The following MBOAT1 variants were observed in gnomAD, a reference collection of about 807,000 sequenced individuals.
MBOAT1 encodes membrane bound glycerophospholipid O-acyltransferase 1.
A neutral mutation model predicts 64.4 loss-of-function variants in MBOAT1; 67 were observed. The ratio of observed to expected loss-of-function variants is 1.04; its 90% CI spans 0.85 to 1.27. The LOEUF is 1.27. Ranked by LOEUF, MBOAT1 falls within the 50% of genes most tolerant of loss-of-function variation. MBOAT1 has a pLI of 0.00. For synonymous variants in MBOAT1, 229 were observed against 218.9 expected, an observed-to-expected ratio of 1.05 and a Z score of -0.41; for missense variants, 563 against 604.6, an observed-to-expected ratio of 0.93 and a Z score of 0.72.
intron 6 of MBOAT1, 135 bp downstream of exon 6, chr6:20,128,564 A>T (rs1340522786): frequency 1.6e-6 from 1 of 625,828 alleles, no homozygotes; most frequent in Non-Finnish European, 2.6e-6. Context: ...GCACATGTCC[A>T]TCAATAGCAG....
chr6:20,210,304 T>C (rs1398292612), intron 1 of MBOAT1, among the ~76,000 whole-genome samples: 1 of 152,152 alleles, frequency 6.6e-6, no homozygotes, highest in Admixed American at 6.6e-5. Flanking sequence ...CATCTAAGCC[T>C]TTAAAAAGCC....
At chr6:20,171,405 T>G (rs78352529) in intron 1 of MBOAT1, among the ~76,000 whole-genome samples, 1 of 131,538 alleles carries the variant, frequency 7.6e-6, no homozygotes, top group African/African-American at 2.8e-5. Context: ...AAAAAAAAAC[T>G]AGCCGGGCAT....
chr6:20,151,456 G>A (rs973095219), intron 2 of MBOAT1, among the ~76,000 whole-genome samples, 194 bp from the exon 3 acceptor site: 1 of 152,078 alleles, frequency 6.6e-6, no homozygotes, highest in East Asian at 1.9e-4. Context: ...GTATCATAAC[G>A]ACACAGTTTG....
intron 3 of MBOAT1, among the ~76,000 whole-genome samples, chr6:20,144,720 A>G (rs1380690549): frequency 1.3e-5 from 2 of 152,214 alleles, no homozygotes; most frequent in Admixed American, 1.3e-4. Context: ...ATTTTTGTAA[A>G]GTACAAATCA....
chr6:20,174,096 T>G (rs1182097690), intron 1 of MBOAT1, among the ~76,000 whole-genome samples: 2 of 152,164 alleles, frequency 1.3e-5, no homozygotes, highest in East Asian at 3.8e-4. Context: ...GACCACACAG[T>G]GTAAACAATA....
chr6:20,133,090 A>G (rs928481820), intron 4 of MBOAT1, among the ~76,000 whole-genome samples: 1 of 152,228 alleles, frequency 6.6e-6, no homozygotes, highest in Non-Finnish European at 1.5e-5. Flanking sequence ...TATTACCCAA[A>G]TTTATATCTT....
intron 1 of MBOAT1, among the ~76,000 whole-genome samples, chr6:20,161,714 G>A (rs1048663289): frequency 1.3e-5 from 2 of 152,140 alleles, no homozygotes; most frequent in African/African-American, 4.8e-5. Context: ...TCAGGGAGTG[G>A]TAGAGCCAGG....
intron 1 of MBOAT1, among the ~76,000 whole-genome samples, chr6:20,159,769 T>C (rs988839109): frequency 6.6e-6 from 1 of 152,194 alleles, no homozygotes; most frequent in African/African-American, 2.4e-5. Flanking sequence ...TATAAACATA[T>C]ACATTATTTG....
chr6:20,159,052 A>ACTTTT (rs1761774031), intron 1 of MBOAT1, among the ~76,000 whole-genome samples: 1 of 152,210 alleles, frequency 6.6e-6, no homozygotes, highest in African/African-American at 2.4e-5. Flanking sequence ...CACATGATCC[A>ACTTTT]GCAATCACAC....
chr6:20,191,752 G>A (rs899482633), intron 1 of MBOAT1, among the ~76,000 whole-genome samples: 4 of 152,142 alleles, frequency 2.6e-5, no homozygotes, highest in Non-Finnish European at 5.9e-5. Flanking sequence ...AATATAGGAA[G>A]CAGTCAATTT....
chr6:20,208,142 G>C (rs1416683065), intron 1 of MBOAT1, among the ~76,000 whole-genome samples: 1 of 152,154 alleles, frequency 6.6e-6, no homozygotes, highest in African/African-American at 2.4e-5. Context: ...GACAGATCCA[G>C]GTAGGTAAAG....
intron 4 of MBOAT1, among the ~76,000 whole-genome samples, chr6:20,136,541 A>C (rs1581414589): frequency 6.6e-6 from 1 of 152,204 alleles, no homozygotes; most frequent in East Asian, 1.9e-4. Flanking sequence ...AATTACTTGA[A>C]CATATTGGGC....
At chr6:20,104,340 G>A (rs929257210) in intron 12 of MBOAT1, among the ~76,000 whole-genome samples, 1 of 152,144 alleles carries the variant, frequency 6.6e-6, no homozygotes, top group Non-Finnish European at 1.5e-5. Context: ...CTCTACTCAA[G>A]TATAAAAGGT....
At chr6:20,209,107 T>C (rs1763348035) in intron 1 of MBOAT1, among the ~76,000 whole-genome samples, 1 of 152,224 alleles carries the variant, frequency 6.6e-6, no homozygotes, top group South Asian at 2.1e-4. Flanking sequence ...AAGGTTTTTA[T>C]TGGCATAATC....
At chr6:20,176,670 C>A (rs974111043) in intron 1 of MBOAT1, among the ~76,000 whole-genome samples, 3 of 152,200 alleles carry the variant, frequency 2.0e-5, no homozygotes, top group African/African-American at 7.2e-5. Flanking sequence ...GTCGCCCAGG[C>A]TGGAGTGCAC....
intron 1 of MBOAT1, among the ~76,000 whole-genome samples, chr6:20,209,053 C>A (rs1367846979): frequency 6.6e-6 from 1 of 152,146 alleles, no homozygotes; most frequent in Non-Finnish European, 1.5e-5. Context: ...CCTTGATTCC[C>A]CCAAAACAGG....
intron 9 of MBOAT1, among the ~76,000 whole-genome samples, chr6:20,116,362 A>G (rs34684332): frequency 6.6e-6 from 1 of 152,074 alleles, no homozygotes; most frequent in African/African-American, 2.4e-5. Context: ...AATAAAAATA[A>G]CCGTGATGCA....
At chr6:20,206,174 T>C (rs1219436629) in intron 1 of MBOAT1, among the ~76,000 whole-genome samples, 1 of 151,060 alleles carries the variant, frequency 6.6e-6, no homozygotes, top group African/African-American at 2.4e-5. Context: ...TTGCACTGTT[T>C]TCTTTTTCTT....
chr6:20,103,147 G>A (rs1010853012), intron 12 of MBOAT1, among the ~76,000 whole-genome samples: 10 of 152,150 alleles, frequency 6.6e-5, no homozygotes, highest in Non-Finnish European at 1.3e-4. Context: ...CCTTCAGGAG[G>A]GATTCCAGAG....
Sources: gnomAD v4.1 joint callset for allele counts (sites outside exome capture counted in the v4.1 genomes callset) on GRCh38, gnomAD v4.1.1 for gene constraint, MANE v1.5 for transcripts, NCBI Gene and HGNC (gene_info 2026-07-23, HGNC 2026-07-21) for gene names.